CLPB: variants seen among roughly 807,000 people sequenced by gnomAD.
CLPB encodes ClpB family mitochondrial disaggregase.
Under a neutral mutation model 78.4 loss-of-function variants are expected in CLPB, and 40 were observed. The ratio of observed to expected loss-of-function variants is 0.51; its 90% CI spans 0.40 to 0.66. The LOEUF (loss-of-function observed/expected upper bound fraction) is 0.66. CLPB is among the 30% of genes least tolerant of loss of function. CLPB has a pLI of 0.00. For missense variants in CLPB, 780 were observed against 886.9 expected (o/e 0.88, Z 1.53); for synonymous variants, 333 against 348.0 (o/e 0.96, Z 0.48).
intron 4 of CLPB, among the ~76,000 whole-genome samples, chr11:72,371,552 A>G (rs1951042495): frequency 8.2e-6 from 1 of 121,316 alleles, no homozygotes; most frequent in Non-Finnish European, 1.6e-5. Flanking sequence ...ATAAAATAAA[A>G]TAAAATAAAA....
At chr11:72,411,308 G>T (rs1480587309) in intron 2 of CLPB, among the ~76,000 whole-genome samples, 1 of 152,218 alleles carries the variant, frequency 6.6e-6, no homozygotes, top group African/African-American at 2.4e-5. Flanking sequence ...CTATGTATAT[G>T]TAGGAGGGTG....
At chr11:72,429,593 G>A (rs972839639) in intron 2 of CLPB, among the ~76,000 whole-genome samples, 3 of 152,160 alleles carry the variant, frequency 2.0e-5, no homozygotes, top group African/African-American at 7.2e-5. Context: ...GGCCCAGTGG[G>A]GGGCATAGTT....
intron 2 of CLPB, among the ~76,000 whole-genome samples, chr11:72,408,642 G>A (rs1456936252): frequency 1.6e-4 from 24 of 149,112 alleles, no homozygotes; most frequent in South Asian, 2.1e-4. Flanking sequence ...ACTCCAGCCC[G>A]GGTGACAGGG....
At chr11:72,377,483 G>A (rs766254417) in intron 4 of CLPB, among the ~76,000 whole-genome samples, 33 of 152,130 alleles carry the variant, frequency 2.2e-4, no homozygotes, top group Middle Eastern at 3.2e-3. Context: ...TATTTTAATT[G>A]TTATTTCATA....
At chr11:72,338,871 C>A (rs1442473923) in intron 5 of CLPB, among the ~76,000 whole-genome samples, 3 of 152,202 alleles carry the variant, frequency 2.0e-5, no homozygotes, top group African/African-American at 7.2e-5. Flanking sequence ...CAATCAGGTA[C>A]AATTAGGCCA....
At chr11:72,309,066 T>C (rs947284340) in intron 7 of CLPB, among the ~76,000 whole-genome samples, 1 of 152,188 alleles carries the variant, frequency 6.6e-6, no homozygotes, top group Admixed American at 6.5e-5. Flanking sequence ...CCCTGGACTC[T>C]TTCCTGTCTG....
chr11:72,430,240 C>T, intron 2 of CLPB, 72 bp downstream of exon 2: 1 of 1,433,714 alleles, frequency 7.0e-7, no homozygotes, highest in Non-Finnish European at 9.7e-7. Flanking sequence ...AAAGCAAAGT[C>T]ATCACACGAG....
chr11:72,404,384 G>A (rs562183908), intron 2 of CLPB, among the ~76,000 whole-genome samples: 24 of 152,322 alleles, frequency 1.6e-4, no homozygotes, highest in Non-Finnish European at 2.2e-4. Flanking sequence ...CTTGTGCCAC[G>A]ATCTATAGTA....
chr11:72,339,532 T>C (rs2135567683), intron 5 of CLPB, among the ~76,000 whole-genome samples: 1 of 152,324 alleles, frequency 6.6e-6, no homozygotes, highest in South Asian at 2.1e-4. Flanking sequence ...ACTGAAAGTG[T>C]TCAAGCATTA....
intron 12 of CLPB, among the ~76,000 whole-genome samples, chr11:72,294,987 A>AG (rs1949524741): frequency 6.6e-6 from 1 of 152,128 alleles, no homozygotes; most frequent in Admixed American, 6.6e-5. Flanking sequence ...ACTTGGAGGA[A>AG]GGGGGCTGCA....
intron 11 of CLPB, among the ~76,000 whole-genome samples, 192 bp from the exon 12 acceptor site, chr11:72,295,840 C>T (rs956456631): frequency 6.6e-6 from 1 of 152,250 alleles, no homozygotes; most frequent in African/African-American, 2.4e-5. Context: ...TGCTCACCGC[C>T]CTGCGCTGCA....
intron 7 of CLPB, among the ~76,000 whole-genome samples, chr11:72,310,218 T>C (rs1405640914): frequency 6.6e-6 from 1 of 152,234 alleles, no homozygotes; most frequent in Non-Finnish European, 1.5e-5. Context: ...CGACTTTCTC[T>C]CTACTTCTGG....
At chr11:72,322,997 T>G (rs1402670731) in intron 6 of CLPB, among the ~76,000 whole-genome samples, 1 of 152,174 alleles carries the variant, frequency 6.6e-6, no homozygotes, top group Non-Finnish European at 1.5e-5. Flanking sequence ...GTAACCCTTG[T>G]AGTCTGATTC....
At chr11:72,391,928 G>GA (rs1454023330) in intron 3 of CLPB, among the ~76,000 whole-genome samples, 1 of 152,180 alleles carries the variant, frequency 6.6e-6, no homozygotes, top group East Asian at 1.9e-4. Flanking sequence ...GGGTGGTGGG[G>GA]AGTCACAATA....
chr11:72,329,975 C>T (rs554723666), intron 5 of CLPB, among the ~76,000 whole-genome samples, 171 bp from the exon 6 acceptor site: 4 of 152,214 alleles, frequency 2.6e-5, no homozygotes, highest in Admixed American at 6.5e-5. Context: ...CACACATGTT[C>T]GATAACATAC....
chr11:72,408,708 G>C (rs1189668182), intron 2 of CLPB, among the ~76,000 whole-genome samples: 1 of 148,064 alleles, frequency 6.8e-6, no homozygotes, highest in African/African-American at 2.5e-5. Flanking sequence ...GACCACAAGA[G>C]AACCCAACCA....
intron 2 of CLPB, among the ~76,000 whole-genome samples, chr11:72,425,699 A>G (rs1856354578): frequency 6.6e-6 from 1 of 152,136 alleles, no homozygotes; most frequent in African/African-American, 2.4e-5. Flanking sequence ...CTGGCCTCAG[A>G]CTGTGATCCA....
rs1949424950 is a variant in CLPB at position 72,289,323 on chromosome 11, G to A, written c.*4044C>T. ...TTTAAGTTATATGCCTAGTATTCCT[G>A]GCCACAGTTAACTGAACCAACGGAC... On this transcript the variant is annotated 3_prime_UTR_variant, in exon 16 of 16. Coordinates refer to ENST00000538039, the MANE Select transcript of CLPB (RefSeq NM_001258392.3). The A allele has an allele frequency of 6.6e-6, 1 of 151,942 alleles. No individual in the cohort carries two copies. Among genetic ancestry groups the A allele is most frequent in the Non-Finnish European group, 1.5e-5 (1 of 68,012 alleles). 9.4% of individuals were successfully genotyped at this position (151,942 alleles called of 1,614,324 possible).
intron 6 of CLPB, among the ~76,000 whole-genome samples, chr11:72,321,541 G>C (rs748867164): frequency 7.9e-5 from 12 of 152,192 alleles, no homozygotes; most frequent in Non-Finnish European, 1.8e-4. Flanking sequence ...AGCTGGGCTC[G>C]CTTTGCTTAG....
Sources: gnomAD v4.1 joint callset for allele counts (sites outside exome capture counted in the v4.1 genomes callset) on GRCh38, gnomAD v4.1.1 for gene constraint, MANE v1.5 for transcripts, NCBI Gene and HGNC (gene_info 2026-07-23, HGNC 2026-07-21) for gene names.